The following ZNF749 variants were observed in gnomAD, a reference collection of about 807,000 sequenced individuals.
The protein encoded by ZNF749 is zinc finger protein 749.
A neutral mutation model predicts 7.3 loss-of-function variants in ZNF749; 8 were observed. That is an observed-to-expected ratio of 1.10 (90% CI 0.64 to 1.98). ZNF749 has a LOEUF of 1.98. Among genes scored for constraint, ZNF749 ranks in the 30% most tolerant of loss-of-function variants. ZNF749 has a pLI of 0.00. For missense variants in ZNF749, 898 were observed against 932.4 expected (o/e 0.96, Z 0.48); for synonymous variants, 310 against 322.4 (o/e 0.96, Z 0.41).
In ZNF749 at chr19:57,442,073, T is replaced by TGACAACTCTGTCTTTCCCAC; in HGVS notation, c.142+63_142+82dup. 2 of 1,585,466 alleles carry TGACAACTCTGTCTTTCCCAC rather than the reference T, an allele frequency of 1.3e-6. No homozygotes were observed. Among genetic ancestry groups the TGACAACTCTGTCTTTCCCAC allele is most frequent in the South Asian group, 2.3e-5 (2 of 86,890 alleles). ...GGTGCTGTTTTTTTGCTCTTTTCCATGACAACTCTGTCTTTCCCACACCAG... is the reference window on the plus strand; with the variant it reads ...GGTGCTGTTTTTTTGCTCTTTTCCATGACAACTCTGTCTTTCCCACGACAACTCTGTCTTTCCCACACCAG... On this transcript the variant is annotated intron_variant, in intron 2 of 2. Coordinates refer to ENST00000334181, the MANE Select transcript of ZNF749 (RefSeq NM_001023561.4). The surrounding 1 kb of genome is among the most constrained non-coding windows in gnomAD (Gnocchi z 6.6).
chr19:57,430,140 C>T, the ZNF749 span, among the ~76,000 whole-genome samples: 1 of 152,184 alleles, frequency 6.6e-6, no homozygotes, highest in African/African-American at 2.4e-5. Context: ...CTGTTTTGTG[C>T]TTCTATAACA....
In ZNF749 at chr19:57,443,677, T is replaced by G; in HGVS notation, c.529T>G (p.Trp177Gly). The G allele has an allele frequency of 1.2e-6, 2 of 1,614,012 alleles. No individual in the cohort carries two copies. The highest frequency in any genetic ancestry group is 1.7e-6 in the Non-Finnish European group (2 of 1,179,958). Residue 177 changes from tryptophan (W) to glycine (G), a missense_variant, in exon 3 of 3, where the codon TGG (tryptophan) becomes GGG (glycine). Transcript: ENST00000334181. ...CCAGCAACAGGTCTTAAACAGTGGG[T>G]GGAAGCTGTACAGGGATACCCAGGA... ...LLQQQVLNSG[W>G]KLYRDTQDGE...
chr19:57,433,463 A>C (rs1020965447), upstream of ZNF749, among the ~76,000 whole-genome samples: 1 of 152,084 alleles, frequency 6.6e-6, no homozygotes, highest in Non-Finnish European at 1.5e-5. Flanking sequence ...TTGTATAGCA[A>C]ATTTCTCACA....
rs2089003176 is a variant in ZNF749, at chr19:57,442,563, T to C, written c.142+552T>C. ...CCCGTAGCTGGACTTATGCCGCAGC[T>C]AGATAGTTGCTCACCTTGAGCAAGG... is the stretch of plus-strand genomic sequence containing the variant. On this transcript the variant is annotated intron_variant, in intron 2 of 2. Transcript: ENST00000334181. This position sits in a 1 kb window ranked among gnomAD's most constrained non-coding sequence, Gnocchi z 6.6. Among the ~76,000 whole-genome samples the C allele has an allele frequency of 6.6e-6, 1 of 152,128 alleles. No individual in the cohort carries two copies. The highest frequency in any genetic ancestry group is 2.4e-5 in the African/African-American group (1 of 41,428).
At chr19:57,432,123 G>A (rs549223435), upstream of ZNF749, among the ~76,000 whole-genome samples, 5 of 151,680 alleles carry the variant, frequency 3.3e-5, no homozygotes, top group African/African-American at 9.7e-5. Context: ...ATGAGCCACC[G>A]CGCCCAGCCT....
At chr19:57,437,741 A>AG (rs1193840650) in intron 1 of ZNF749, among the ~76,000 whole-genome samples, 1 of 151,312 alleles carries the variant, frequency 6.6e-6, no homozygotes, top group Non-Finnish European at 1.5e-5. Flanking sequence ...AAAAAAAAAA[A>AG]GGGAAAAATA....
chr19:57,434,634 T>C (rs2088916902), upstream of ZNF749, among the ~76,000 whole-genome samples: 2 of 152,204 alleles, frequency 1.3e-5, no homozygotes, highest in Non-Finnish European at 2.9e-5. Context: ...TGGGCATATG[T>C]TCTTAGGATA....
Position 57,445,019 on chromosome 19 carries a change from G to A in ZNF749, c.1871G>A (p.Arg624His), listed in dbSNP as rs373133672. ...AAATGTGGGAAATTCTTTAGATATC[G>A]CTGTACACTGAGTAGACATCAGAAA... is the stretch of plus-strand genomic sequence containing the variant. ...CSKCGKFFRY[R>H]CTLSRHQKVH... The change falls in exon 3 of 3, where the codon CGC (arginine) becomes CAC (histidine). Residue 624 changes from arginine (R) to histidine (H), a missense_variant. Arg to His is a conservative substitution (Grantham distance 29). Coordinates refer to ENST00000334181, the MANE Select transcript of ZNF749 (RefSeq NM_001023561.4). 4.8e-5 allele frequency: 77 copies of A among 1,614,068 alleles called. 1 individual carries two copies. Among genetic ancestry groups the A allele is most frequent in the African/African-American group, 3.3e-4 (25 of 74,924 alleles).
chr19:57,436,215 CGGGTTT>C lies in ZNF749; in HGVS notation c.15+623_15+628del, dbSNP rs2088934747. 5.3e-5 allele frequency among the ~76,000 whole-genome samples: 8 copies of C among 152,172 alleles called. No homozygotes were observed. Among genetic ancestry groups the C allele is most frequent in the Admixed American group, 3.3e-4 (5 of 15,258 alleles). ...GAATTAGAGATATCAGCTTAAGGAG[CGGGTTT>C]CAGACAGAAGATCCTGGGTTGGATT... On this transcript the variant is annotated intron_variant, in intron 1 of 2. Coordinates refer to ENST00000334181, the MANE Select transcript of ZNF749 (RefSeq NM_001023561.4). This position sits in a 1 kb window ranked among gnomAD's most constrained non-coding sequence, Gnocchi z 4.0.
upstream of ZNF749, among the ~76,000 whole-genome samples, chr19:57,431,915 T>C (rs1394463934): frequency 1.3e-5 from 2 of 152,152 alleles, no homozygotes; most frequent in African/African-American, 4.8e-5. Flanking sequence ...CTCTGCCTCC[T>C]GGATTCAAGC....
In ZNF749 at chr19:57,446,953, C is replaced by T. The variant is rs924222233; in HGVS notation, c.*1468C>T. ...TAACATGAACGAAGCTTGCGGGACCCCTCTGGTTGAGTCAGGGAGTGAGTT... is the reference window on the plus strand; with the variant it reads ...TAACATGAACGAAGCTTGCGGGACCTCTCTGGTTGAGTCAGGGAGTGAGTT... On this transcript the variant is annotated 3_prime_UTR_variant, in exon 3 of 3. Coordinates refer to ENST00000334181, the MANE Select transcript of ZNF749 (RefSeq NM_001023561.4). Among the ~76,000 whole-genome samples the T allele has an allele frequency of 1.3e-5, 2 of 152,040 alleles. No individual in the cohort carries two copies. Among genetic ancestry groups the T allele is most frequent in the South Asian group, 4.1e-4 (2 of 4,822 alleles).
chr19:57,443,826 C>T lies in ZNF749; in HGVS notation c.678C>T (p.Phe226=). 1 of 1,614,138 alleles carries T rather than the reference C, an allele frequency of 6.2e-7. No individual in the cohort carries two copies. Among genetic ancestry groups the T allele is most frequent in the Non-Finnish European group, 8.5e-7 (1 of 1,180,028 alleles). ...ATAATGGGGAGAGGCCTTATGAGTT[C>T]AGTGAATGTGGGGAATTGTTTAGGT... ...KTHNGERPYE[F]SECGELFRYN... Residue 226 remains phenylalanine (F), a synonymous_variant, in exon 3 of 3, where the codon TTC becomes TTT. Coordinates refer to ENST00000334181, the MANE Select transcript of ZNF749 (RefSeq NM_001023561.4).
chr19:57,444,076 C>T lies in ZNF749; in HGVS notation c.928C>T (p.Gln310Ter), dbSNP rs1170321507. 1 of 1,614,006 alleles carries T rather than the reference C, an allele frequency of 6.2e-7. No individual in the cohort carries two copies. The highest frequency in any genetic ancestry group is 8.5e-7 in the Non-Finnish European group (1 of 1,179,922). Residue 310 changes from glutamine to a stop codon, truncating the protein, a stop_gained, in exon 3 of 3, where the codon CAG becomes TAG. Coordinates refer to ENST00000334181, the MANE Select transcript of ZNF749 (RefSeq NM_001023561.4). LOFTEE classifies it low-confidence loss of function (END_TRUNC). ...CCAGTGTGGGAAGGCCTTTCTTACA[C>T]AGGCTCATCTGGTTGGTCACCAGAA... The part of the protein sequence containing the change: ...CTQCGKAFLT[Q>*]AHLVGHQKTH...
rs2088923115 is a variant in ZNF749 at position 57,435,342 on chromosome 19, C to T, written c.-237C>T. Reference sequence around the variant, plus strand: ...TGGGCGGGACTTCTGGCGGCGCCCTCATGGTTGCGTTAGCATGGCTACCTA... The same window carrying T: ...TGGGCGGGACTTCTGGCGGCGCCCTTATGGTTGCGTTAGCATGGCTACCTA... On this transcript the variant is annotated 5_prime_UTR_variant, in exon 1 of 3. Transcript: ENST00000334181. The T allele has an allele frequency of 1.6e-6, 1 of 621,166 alleles. No homozygotes were observed. The highest frequency in any genetic ancestry group is 2.8e-6 in the Non-Finnish European group (1 of 354,988). The allele number at this position is 621,166 out of a possible 1,614,324, so 38.5% of individuals were successfully genotyped here.
chr19:57,444,135 C>G lies in ZNF749; in HGVS notation c.987C>G (p.Asn329Lys). The G allele has an allele frequency of 6.2e-7, 1 of 1,613,564 alleles. No individual in the cohort carries two copies. Among genetic ancestry groups the G allele is most frequent in the Non-Finnish European group, 8.5e-7 (1 of 1,179,846 alleles). Residue 329 changes from asparagine to lysine, a missense_variant, in exon 3 of 3, where the codon AAC becomes AAG. By Grantham distance (94) the Asn-to-Lys change is moderately conservative (BLOSUM62 0). Coordinates refer to ENST00000334181, the MANE Select transcript of ZNF749 (RefSeq NM_001023561.4). ...CTGGAGAACAGCCCTATGAATGCAACAAGTGTGGGAAGTTTTTTATGTATA... is the reference window on the plus strand; with the variant it reads ...CTGGAGAACAGCCCTATGAATGCAAGAAGTGTGGGAAGTTTTTTATGTATA... ...THTGEQPYEC[N>K]KCGKFFMYNS...
Position 57,443,891 on chromosome 19 carries a change from G to C in ZNF749, c.743G>C (p.Gly248Ala). Residue 248 changes from glycine to alanine, a missense_variant, in exon 3 of 3, where the codon GGA (glycine) becomes GCA (alanine). Coordinates refer to ENST00000334181, the MANE Select transcript of ZNF749 (RefSeq NM_001023561.4). Reference sequence around the variant, plus strand: ...ATTAAATATCAGCAAAATCATGCTGGAGAAAGGCCTTATGAGGGCACTGAA... The same window carrying C: ...ATTAAATATCAGCAAAATCATGCTGCAGAAAGGCCTTATGAGGGCACTGAA... ...NLIKYQQNHA[G>A]ERPYEGTEYG... The C allele has an allele frequency of 1.9e-6, 3 of 1,613,636 alleles. No homozygotes were observed. The highest frequency in any genetic ancestry group is 2.2e-5 in the East Asian group (1 of 44,884).
rs1286488549 is a variant in ZNF749 at position 57,439,825 on chromosome 19, C to T, written c.16-2060C>T. ...GTTTCAGAGACTTTGAGTGGAGGTGCCAGGCTGGCAGTTGTACACACAGGA... is the reference window on the plus strand; with the variant it reads ...GTTTCAGAGACTTTGAGTGGAGGTGTCAGGCTGGCAGTTGTACACACAGGA... On this transcript the variant is annotated intron_variant, in intron 1 of 2. Coordinates refer to ENST00000334181, the MANE Select transcript of ZNF749 (RefSeq NM_001023561.4). This position sits in a 1 kb window ranked among gnomAD's most constrained non-coding sequence, Gnocchi z 4.3. Among the ~76,000 whole-genome samples, 5 of 152,206 alleles carry T rather than the reference C, an allele frequency of 3.3e-5. No individual in the cohort carries two copies. Among genetic ancestry groups the T allele is most frequent in the Admixed American group, 2.6e-4 (4 of 15,300 alleles).
In ZNF749 at chr19:57,443,581, G is replaced by A; in HGVS notation, c.433G>A (p.Ala145Thr). 6.2e-7 allele frequency: 1 copy of A among 1,614,248 alleles called. No homozygotes were observed. The change falls in exon 3 of 3, where the codon GCT becomes ACT. Residue 145 changes from alanine (A) to threonine (T), a missense_variant. Physicochemically the swap from Ala to Thr is moderately conservative, Grantham distance 58. Coordinates refer to ENST00000334181, the MANE Select transcript of ZNF749 (RefSeq NM_001023561.4). ...EWRPSFVNHS[A>T]HVGERNFTCT... ...GAGGCCTTCATTTGTGAACCACAGT[G>A]CTCACGTGGGAGAGAGGAACTTCAC...
At position 57,436,258 on chromosome 19, in the gene ZNF749, C is replaced by T. The variant is rs1051536227; in HGVS notation, c.15+665C>T. Among the ~76,000 whole-genome samples, 1 of 152,162 alleles carries T rather than the reference C, an allele frequency of 6.6e-6. No homozygotes were observed. Among genetic ancestry groups the T allele is most frequent in the African/African-American group, 2.4e-5 (1 of 41,428 alleles). ...TCCTGGGTTGGATTTTGGGCGACAT[C>T]ACATGGGTAGGTGGACGTAATTTCC... On this transcript the variant is annotated intron_variant, in intron 1 of 2. Transcript: ENST00000334181. The surrounding 1 kb of genome is among the most constrained non-coding windows in gnomAD (Gnocchi z 4.0).
Sources: gnomAD v4.1 joint callset for allele counts (sites outside exome capture counted in the v4.1 genomes callset) on GRCh38, gnomAD v4.1.1 for gene constraint, Gnocchi (gnomAD v3.1) non-coding constraint, MANE v1.5 for transcripts, NCBI Gene and HGNC (gene_info 2026-07-23, HGNC 2026-07-21) for gene names.